Variants in PGRMC2 observed in about 807,000 individuals in gnomAD.
PGRMC2 encodes the protein membrane-associated progesterone receptor component 2.
In PGRMC2, 9 loss-of-function variants were observed where a neutral mutation model predicts 19.3. The ratio of observed to expected loss-of-function variants is 0.47; its 90% CI spans 0.28 to 0.81. The LOEUF (loss-of-function observed/expected upper bound fraction) is 0.81. PGRMC2 is among the 40% of genes least tolerant of loss of function. The probability of loss-of-function intolerance (pLI) is 0.11; values close to 1 mark genes in which losing one functional copy is unlikely to be tolerated. For synonymous variants in PGRMC2, 157 were observed against 124.6 expected (o/e 1.26, Z -1.73); for missense variants, 289 against 297.3 (o/e 0.97, Z 0.21).
rs535094283 is a variant in PGRMC2 at position 128,279,072 on chromosome 4, G to A, written c.419-6555C>T. ...AAAAATACAAAATTAGCTGGGTGTC[G>A]TGGCGCATGCCTGCAATCCCAGCTA... On this transcript the variant is annotated intron_variant, in intron 1 of 2. Transcript: ENST00000296425. Among the ~76,000 whole-genome samples, 38 of 152,182 alleles carry A rather than the reference G, an allele frequency of 2.5e-4. 1 individual carries two copies. Among genetic ancestry groups the A allele is most frequent in the Non-Finnish European group, 3.7e-4 (25 of 67,996 alleles).
intron 1 of PGRMC2, among the ~76,000 whole-genome samples, chr4:128,277,868 G>A (rs2110560991): frequency 6.6e-6 from 1 of 152,240 alleles, no homozygotes; most frequent in South Asian, 2.1e-4. Flanking sequence ...AACAAGTCTC[G>A]ATTTCCATAG....
At position 128,271,470 on chromosome 4, in the gene PGRMC2, T is replaced by C. The variant is rs1357025914; in HGVS notation, c.575-57A>G. On this transcript the variant is annotated intron_variant, in intron 2 of 2. Coordinates refer to ENST00000296425, the MANE Select transcript of PGRMC2 (RefSeq NM_006320.6). ...GATCAAATTTGTTTCACTATTCCAT[T>C]ATACAGAGAAAAGGCATTTGTCTGT... 9.6e-6 allele frequency: 8 copies of C among 830,592 alleles called. No individual in the cohort carries two copies. The East Asian group carries it at 1.7e-4, about 18-fold the overall frequency. 51.5% of individuals were successfully genotyped at this position (830,592 alleles called of 1,614,324 possible).
rs41300345 is a variant in PGRMC2 at position 128,270,810 on chromosome 4, T to A, written c.*506A>T. ...GGGAATTCACATTTTAATGTTTCAGTAGCCTGAACAACTCAAATTGATGTG... is the reference window on the plus strand; with the variant it reads ...GGGAATTCACATTTTAATGTTTCAGAAGCCTGAACAACTCAAATTGATGTG... On this transcript the variant is annotated 3_prime_UTR_variant, in exon 3 of 3. Transcript: ENST00000296425. 5 of 152,160 alleles carry A rather than the reference T, an allele frequency of 3.3e-5. No individual in the cohort carries two copies. The highest frequency in any genetic ancestry group is 9.7e-5 in the African/African-American group (4 of 41,432). The allele number at this position is 152,160 out of a possible 1,614,324, so 9.4% of individuals were successfully genotyped here.
chr4:128,287,556 C>A lies in PGRMC2; in HGVS notation c.235G>T (p.Gly79Cys), dbSNP rs41298559. The A allele has an allele frequency of 4.2e-5, 65 of 1,536,738 alleles. No homozygotes were observed. The highest frequency in any genetic ancestry group is 2.5e-5 in the East Asian group (1 of 40,506). ...CCCGCCCCGGCCCCGGCCCCCAGACCCCGCCGCCCCCAGCGCACCCACAGC... is the reference window on the plus strand; with the variant it reads ...CCCGCCCCGGCCCCGGCCCCCAGACACCGCCGCCCCCAGCGCACCCACAGC... ...YRLWVRWGRRGLGAGAGAGEE... is the reference protein window; with the variant it reads ...YRLWVRWGRRCLGAGAGAGEE... The change falls in exon 1 of 3, where the codon GGT (glycine) becomes TGT (cysteine). Residue 79 changes from glycine to cysteine, a missense_variant. Physicochemically the swap from Gly to Cys is radical, Grantham distance 159. Transcript: ENST00000296425.
intron 1 of PGRMC2, among the ~76,000 whole-genome samples, chr4:128,278,623 T>G (rs1460428556): frequency 2.6e-5 from 4 of 151,966 alleles, no homozygotes; most frequent in Non-Finnish European, 5.9e-5. Context: ...TAATTTCACA[T>G]CTTAAAGCAA....
At chr4:128,273,628 G>GA (rs1306647620) in intron 1 of PGRMC2, among the ~76,000 whole-genome samples, 3 of 152,110 alleles carry the variant, frequency 2.0e-5, no homozygotes, top group African/African-American at 4.8e-5. Context: ...TAAACAAGCA[G>GA]AAAAAACTAG....
Position 128,271,620 on chromosome 4 carries a change from A to C in PGRMC2, c.575-207T>G, listed in dbSNP as rs965892569. On this transcript the variant is annotated intron_variant, in intron 2 of 2. Coordinates refer to ENST00000296425, the MANE Select transcript of PGRMC2 (RefSeq NM_006320.6). ...AGAAAACAGGATTAGGGAACTTATAAGGCTTGGGAATTCTTTGCAAGAGGG... is the reference window on the plus strand; with the variant it reads ...AGAAAACAGGATTAGGGAACTTATACGGCTTGGGAATTCTTTGCAAGAGGG... Among the ~76,000 whole-genome samples, 25 of 152,226 alleles carry C rather than the reference A, an allele frequency of 1.6e-4. 1 individual carries two copies. The highest frequency in any genetic ancestry group is 2.9e-5 in the Non-Finnish European group (2 of 68,034).
Position 128,272,429 on chromosome 4 carries a change from A to G in PGRMC2, c.507T>C (p.Tyr169=). The change falls in exon 2 of 3, where the codon TAT becomes TAC. Residue 169 remains tyrosine, a synonymous_variant. Coordinates refer to ENST00000296425, the MANE Select transcript of PGRMC2 (RefSeq NM_006320.6). ...CTGCATTCAAATCTGAGAGATCATC[A>G]TATTCATCTCTAAGTGCATCTTTAT... ...CLDKDALRDE[Y]DDLSDLNAVQ... 1 of 1,592,320 alleles carries G rather than the reference A, an allele frequency of 6.3e-7. No homozygotes were observed. The highest frequency in any genetic ancestry group is 8.5e-7 in the Non-Finnish European group (1 of 1,170,366).
intron 1 of PGRMC2, among the ~76,000 whole-genome samples, chr4:128,274,580 G>A (rs948047644): frequency 4.6e-5 from 7 of 151,114 alleles, no homozygotes; most frequent in South Asian, 2.1e-4. Flanking sequence ...GCACATGTGC[G>A]TGCAAAATTC....
chr4:128,277,342 G>C (rs2110560713), intron 1 of PGRMC2, among the ~76,000 whole-genome samples: 1 of 152,304 alleles, frequency 6.6e-6, no homozygotes, highest in East Asian at 1.9e-4. Flanking sequence ...CAATCAGTTA[G>C]AATGAGGTGA....
chr4:128,282,960 G>A (rs539872452), intron 1 of PGRMC2, among the ~76,000 whole-genome samples: 23 of 152,268 alleles, frequency 1.5e-4, no homozygotes, highest in African/African-American at 4.8e-4. Context: ...AATTTAAAAG[G>A]TAAGTTGGAA....
chr4:128,280,352 G>GAAAAAAAAAAAAAAAAAAAAAAAAAAA lies in PGRMC2; in HGVS notation c.418+7020_418+7021insTTTTTTTTTTTTTTTTTTTTTTTTTTT, dbSNP rs747302016. ...GCAATAAGTAACAGCAAATTTTCTG[G>GAAAAAAAAAAAAAAAAAAAAAAAAAAA]GAAAAAAAAAAAAAAAAAAAAAAGG... On this transcript the variant is annotated intron_variant, in intron 1 of 2. Coordinates refer to ENST00000296425, the MANE Select transcript of PGRMC2 (RefSeq NM_006320.6). Among the ~76,000 whole-genome samples, 4 of 60,538 alleles carry GAAAAAAAAAAAAAAAAAAAAAAAAAAA rather than the reference G, an allele frequency of 6.6e-5. 2 individuals carry two copies. The highest frequency in any genetic ancestry group is 5.9e-5 in the Non-Finnish European group (2 of 33,684). The allele number at this position is 60,538 out of a possible 152,430, so 39.7% of individuals were successfully genotyped here.
At chr4:128,281,484 A>C (rs1013698150) in intron 1 of PGRMC2, among the ~76,000 whole-genome samples, 2 of 152,334 alleles carry the variant, frequency 1.3e-5, no homozygotes, top group Admixed American at 1.3e-4. Context: ...AGAGGAGAGA[A>C]AATGGAAGAA....
intron 2 of PGRMC2, 28 bp from the exon 3 acceptor site, chr4:128,271,441 T>C (rs1445296742): frequency 8.1e-7 from 1 of 1,235,688 alleles, no homozygotes; most frequent in East Asian, 2.3e-5. Context: ...AGAAAATCAG[T>C]GGTGATCAAA....
rs1380691318 is a variant in PGRMC2, at chr4:128,269,745, T to C, written c.*1571A>G. 2 of 152,186 alleles carry C rather than the reference T, an allele frequency of 1.3e-5. No homozygotes were observed. Among genetic ancestry groups the C allele is most frequent in the East Asian group, 3.8e-4 (2 of 5,200 alleles). The allele number at this position is 152,186 out of a possible 1,614,324, so 9.4% of individuals were successfully genotyped here. ...AGTCATAATGAAATAAAGTAATTGA[T>C]ATATGAGGGGCTTTTAGTAAGGGCT... is the stretch of plus-strand genomic sequence containing the variant. On this transcript the variant is annotated 3_prime_UTR_variant, in exon 3 of 3. Coordinates refer to ENST00000296425, the MANE Select transcript of PGRMC2 (RefSeq NM_006320.6).
At chr4:128,286,649 CTCAAGGTG>C in intron 1 of PGRMC2, 1 of 398,522 alleles carries the variant, frequency 2.5e-6, no homozygotes, top group Non-Finnish European at 4.4e-6. Context: ...ACCCCCAAAA[CTCAAGGTG>C]AATATCCTTA....
At chr4:128,286,264 T>C (rs1386587816) in intron 1 of PGRMC2, among the ~76,000 whole-genome samples, 2 of 152,044 alleles carry the variant, frequency 1.3e-5, no homozygotes, top group Non-Finnish European at 2.9e-5. Flanking sequence ...ACCACTTTTT[T>C]TTAAAGCTTA....
At position 128,270,054 on chromosome 4, in the gene PGRMC2, C is replaced by G. The variant is rs1760703178; in HGVS notation, c.*1262G>C. The G allele has an allele frequency of 6.6e-6, 1 of 152,580 alleles. No individual in the cohort carries two copies. The highest frequency in any genetic ancestry group is 2.1e-4 in the South Asian group (1 of 4,824). The allele number at this position is 152,580 out of a possible 1,614,324, so 9.5% of individuals were successfully genotyped here. A position where few individuals can be genotyped will look rare whatever the true frequency, so the allele number is the denominator to read the frequency against. On this transcript the variant is annotated 3_prime_UTR_variant, in exon 3 of 3. Coordinates refer to ENST00000296425, the MANE Select transcript of PGRMC2 (RefSeq NM_006320.6). ...CTGCTTTTCATTTCCAAGATTTTTC[C>G]TTATCTTGAATCAAATGCACAATCT...
In PGRMC2 at chr4:128,270,106, T is replaced by TA. The variant is rs1760703937; in HGVS notation, c.*1209dup. The TA allele has an allele frequency of 6.6e-6, 1 of 152,658 alleles. No homozygotes were observed. Among genetic ancestry groups the TA allele is most frequent in the African/African-American group, 2.4e-5 (1 of 41,450 alleles). 9.5% of individuals were successfully genotyped at this position (152,658 alleles called of 1,614,324 possible). On this transcript the variant is annotated 3_prime_UTR_variant, in exon 3 of 3. Transcript: ENST00000296425. ...ACAACTGTATCATAATGCACTGGCT[T>TA]ACAGTTCTGTATATAAAGTCCAACT...
Sources: allele counts gnomAD v4.1 joint callset (sites outside exome capture counted in the v4.1 genomes callset), GRCh38; gene constraint gnomAD v4.1.1; transcripts MANE v1.5; gene names NCBI Gene and HGNC (gene_info 2026-07-23, HGNC 2026-07-21).